The following CRISPLD1 variants were observed in gnomAD, a reference collection of about 807,000 sequenced individuals.
CRISPLD1 encodes cysteine rich secretory protein LCCL domain containing 1.
In CRISPLD1, 60 loss-of-function variants were observed where a neutral mutation model predicts 77.5. That is an observed-to-expected ratio of 0.77 (90% CI 0.63 to 0.96). CRISPLD1 has a LOEUF of 0.96. CRISPLD1 is among the 40% of genes least tolerant of loss of function. CRISPLD1 has a pLI of 0.00. For missense variants in CRISPLD1, 623 were observed against 615.8 expected (o/e 1.01, Z -0.12); for synonymous variants, 195 against 200.1 (o/e 0.97, Z 0.22).
rs1275240507 is a variant in CRISPLD1, at chr8:75,033,862, G to A, written c.*1620G>A. ...ACGTTAAAGATTGCAAAACTTAAAA[G>A]CAGATTTTTATGGGAACTTTTTTCG... is the stretch of plus-strand genomic sequence containing the variant. On this transcript the variant is annotated 3_prime_UTR_variant, in exon 15 of 15. Transcript: ENST00000262207. The A allele has an allele frequency of 1.3e-5, 2 of 151,978 alleles. No homozygotes were observed. Among genetic ancestry groups the A allele is most frequent in the African/African-American group, 4.8e-5 (2 of 41,430 alleles). The allele number at this position is 151,978 out of a possible 1,614,324, so 9.4% of individuals were successfully genotyped here. A position where few individuals can be genotyped will look rare whatever the true frequency, so the allele number is the denominator to read the frequency against.
At chr8:75,020,100 G>C (rs774707361) in intron 12 of CRISPLD1, 21 bp downstream of exon 12, 1 of 1,599,660 alleles carries the variant, frequency 6.3e-7, no homozygotes, top group Non-Finnish European at 8.6e-7. Flanking sequence ...GTACACATAG[G>C]GGGCTTTGGC....
intron 2 of CRISPLD1, among the ~76,000 whole-genome samples, chr8:74,999,800 AT>A (rs1812707559): frequency 6.7e-6 from 1 of 149,860 alleles, no homozygotes; most frequent in African/African-American, 2.5e-5. Context: ...CAAAGTACTT[AT>A]AATACACAAT....
At position 75,012,919 on chromosome 8, in the gene CRISPLD1, C is replaced by T. The variant is rs746163483; in HGVS notation, c.407C>T (p.Ser136Leu). The change falls in exon 4 of 15, where the codon TCG (serine) becomes TTG (leucine). Residue 136 changes from serine (S) to leucine (L), a missense_variant. By Grantham distance (145) the Ser-to-Leu change is moderately radical. Transcript: ENST00000262207. ...AGGCCCCCGACGTTTCATGTACAAT[C>T]GTGGTATGATGAAGTGAAAGACTTT... Reference protein sequence around the residue: ...RYRPPTFHVQSWYDEVKDFSY... With the variant: ...RYRPPTFHVQLWYDEVKDFSY... 3.7e-6 allele frequency: 6 copies of T among 1,612,636 alleles called. No individual in the cohort carries two copies. The South Asian group carries it at 4.4e-5, about 12-fold the overall frequency.
At chr8:75,008,912 T>A (rs1812881295) in intron 2 of CRISPLD1, among the ~76,000 whole-genome samples, 1 of 152,180 alleles carries the variant, frequency 6.6e-6, no homozygotes, top group Non-Finnish European at 1.5e-5. Context: ...TTTATTCCGA[T>A]TTCTATACAA....
rs753246288 is a variant in CRISPLD1 at position 75,017,050 on chromosome 8, C to A, written c.933C>A (p.Tyr311Ter). ...GTGCCCAATTACTTTTATTTAGGTA[C>A]GAATGTCCTGCTGGCTGTTTGGATA... ...DQCKGTTCNR[Y>*]ECPAGCLDSK... Residue 311 changes from tyrosine to a stop codon, truncating the protein, a stop_gained, in exon 9 of 15, where the codon TAC becomes TAA. Coordinates refer to ENST00000262207, the MANE Select transcript of CRISPLD1 (RefSeq NM_031461.6). LOFTEE classifies it high-confidence loss of function. The A allele has an allele frequency of 6.2e-7, 1 of 1,611,296 alleles. No homozygotes were observed. Among genetic ancestry groups the A allele is most frequent in the Non-Finnish European group, 8.5e-7 (1 of 1,178,536 alleles).
intron 12 of CRISPLD1, 65 bp from the exon 13 acceptor site, chr8:75,025,481 T>C: frequency 1.6e-6 from 1 of 608,208 alleles, no homozygotes; most frequent in Non-Finnish European, 2.5e-6. Flanking sequence ...TCTGTGGTTT[T>C]ACTAATAAGA....
chr8:75,030,726 CTGTGTATATATGTATGAGTG>C (rs1813322328), intron 14 of CRISPLD1, among the ~76,000 whole-genome samples: 1 of 137,904 alleles, frequency 7.3e-6, no homozygotes, highest in East Asian at 2.0e-4. Flanking sequence ...GTGTGTGTGT[CTGTGTATATATGTATGAGTG>C]TGTGTATATA....
Position 75,034,442 on chromosome 8 carries a change from T to C in CRISPLD1, c.*2200T>C, listed in dbSNP as rs1034245040. On this transcript the variant is annotated 3_prime_UTR_variant, in exon 15 of 15. Transcript: ENST00000262207. Reference sequence around the variant, plus strand: ...TTTGTTATCTAATTTGGGGAAACTATTCATCTGTCATATACTATTGATCCT... The same window carrying C: ...TTTGTTATCTAATTTGGGGAAACTACTCATCTGTCATATACTATTGATCCT... 1 of 152,116 alleles carries C rather than the reference T, an allele frequency of 6.6e-6. No individual in the cohort carries two copies. The highest frequency in any genetic ancestry group is 1.5e-5 in the Non-Finnish European group (1 of 67,960). The allele number at this position is 152,116 out of a possible 1,614,324, so 9.4% of individuals were successfully genotyped here.
At chr8:75,019,320 A>C (rs1029511210) in intron 10 of CRISPLD1, among the ~76,000 whole-genome samples, 9 of 152,168 alleles carry the variant, frequency 5.9e-5, no homozygotes, top group African/African-American at 9.7e-5. Context: ...AACCTATTAA[A>C]ATTTTGATGT....
rs572382922 is a variant in CRISPLD1, at chr8:75,034,207, G to C, written c.*1965G>C. ...GTAAAAACATTTAAGAACTTCCATA[G>C]TCTTGTTCATATTGTTTACCTATCT... On this transcript the variant is annotated 3_prime_UTR_variant, in exon 15 of 15. Transcript: ENST00000262207. 2.0e-5 allele frequency: 3 copies of C among 151,950 alleles called. No homozygotes were observed. Among genetic ancestry groups the C allele is most frequent in the Non-Finnish European group, 4.4e-5 (3 of 67,940 alleles). The allele number at this position is 151,950 out of a possible 1,614,324, so 9.4% of individuals were successfully genotyped here.
intron 2 of CRISPLD1, among the ~76,000 whole-genome samples, chr8:74,991,966 A>G (rs16939012): frequency 0.13 from 20,254 of 152,192 alleles, 1,533 homozygotes; most frequent in African/African-American, 0.21. Flanking sequence ...TTTGCAGTGA[A>G]ATATCATATT....
chr8:75,018,022 G>A (rs890335223), intron 10 of CRISPLD1, among the ~76,000 whole-genome samples: 5 of 152,062 alleles, frequency 3.3e-5, no homozygotes, highest in African/African-American at 7.2e-5. Flanking sequence ...TACATGTACC[G>A]TATAGAAAGT....
intron 12 of CRISPLD1, among the ~76,000 whole-genome samples, chr8:75,024,203 G>A (rs114222859): frequency 9.2e-5 from 14 of 152,336 alleles, no homozygotes; most frequent in African/African-American, 3.1e-4. Context: ...AAGGCAGTGA[G>A]GATAGAAGAT....
chr8:74,986,146 G>A lies in CRISPLD1; in HGVS notation c.159G>A (p.Gly53=). Residue 53 remains glycine, a synonymous_variant, in exon 2 of 15, where the codon GGG becomes GGA. Coordinates refer to ENST00000262207, the MANE Select transcript of CRISPLD1 (RefSeq NM_031461.6). Reference sequence around the variant, plus strand: ...AGTGGTGGATAGCCAAACAACGAGGGAAAAGGGCCATCACAGACAATGACA... The same window carrying A: ...AGTGGTGGATAGCCAAACAACGAGGAAAAAGGGCCATCACAGACAATGACA... The part of the protein sequence containing the change: ...DGEWWIAKQR[G]KRAITDNDMQ... 1 of 1,614,088 alleles carries A rather than the reference G, an allele frequency of 6.2e-7. No individual in the cohort carries two copies.
In CRISPLD1 at chr8:75,012,925, A is replaced by G. The variant is rs1812959143; in HGVS notation, c.413A>G (p.Tyr138Cys). 5 of 1,612,956 alleles carry G rather than the reference A, an allele frequency of 3.1e-6. No homozygotes were observed. The highest frequency in any genetic ancestry group is 4.2e-6 in the Non-Finnish European group (5 of 1,179,336). The change falls in exon 4 of 15, where the codon TAT (tyrosine) becomes TGT (cysteine). Residue 138 changes from tyrosine to cysteine, a missense_variant. Coordinates refer to ENST00000262207, the MANE Select transcript of CRISPLD1 (RefSeq NM_031461.6). ...CCGACGTTTCATGTACAATCGTGGT[A>G]TGATGAAGTGAAAGACTTTAGCTAC... Reference protein sequence around the residue: ...RPPTFHVQSWYDEVKDFSYPY... With the variant: ...RPPTFHVQSWCDEVKDFSYPY...
intron 2 of CRISPLD1, among the ~76,000 whole-genome samples, chr8:75,004,219 G>A (rs1226484622): frequency 6.6e-6 from 1 of 152,086 alleles, no homozygotes; most frequent in African/African-American, 2.4e-5. Flanking sequence ...TAACACAAGT[G>A]TTTCCTTTGA....
Position 75,014,794 on chromosome 8 carries a change from G to A in CRISPLD1, c.627-18G>A. 6.5e-7 allele frequency: 1 copy of A among 1,546,364 alleles called. No homozygotes were observed. The highest frequency in any genetic ancestry group is 8.9e-7 in the Non-Finnish European group (1 of 1,124,892). ...TGCCATTAGACTACTTTTTAATAGA[G>A]CGTATCATCTCTTAAAGGGGAAACT... On this transcript the variant is annotated intron_variant, in intron 5 of 14. Transcript: ENST00000262207.
rs117899765 is a variant in CRISPLD1 at position 75,031,739 on chromosome 8, G to A, written c.1452-452G>A. 1.4e-3 allele frequency among the ~76,000 whole-genome samples: 211 copies of A among 152,014 alleles called. 4 individuals carry two copies. The East Asian group carries it at 0.033, about 24-fold the overall frequency. ...GTAATTTAAATTTTGTCAGACTTGGGCAATGATAATAAGCTAGCGCTCTAG... is the reference window on the plus strand; with the variant it reads ...GTAATTTAAATTTTGTCAGACTTGGACAATGATAATAAGCTAGCGCTCTAG... On this transcript the variant is annotated intron_variant, in intron 14 of 14. Transcript: ENST00000262207.
At chr8:74,993,657 T>C (rs547078786) in intron 2 of CRISPLD1, among the ~76,000 whole-genome samples, 28 of 152,288 alleles carry the variant, frequency 1.8e-4, no homozygotes, top group Admixed American at 1.4e-3. Flanking sequence ...CCAGTTCTAT[T>C]CTCCCTTAAA....
Sources: gnomAD v4.1 joint callset for allele counts (sites outside exome capture counted in the v4.1 genomes callset) on GRCh38, gnomAD v4.1.1 for gene constraint, MANE v1.5 for transcripts, NCBI Gene and HGNC (gene_info 2026-07-23, HGNC 2026-07-21) for gene names.